RAP1GDS1: variants seen among roughly 807,000 people sequenced by gnomAD.
The protein encoded by RAP1GDS1 is Rap1 GTPase-GDP dissociation stimulator 1.
RAP1GDS1 carries 35 observed loss-of-function variants against 71.1 expected under a neutral mutation model. The observed-to-expected ratio is 0.49, with a 90% CI of 0.38 to 0.65. The LOEUF (loss-of-function observed/expected upper bound fraction) is 0.65, where lower values mean the gene tolerates loss of function less well. RAP1GDS1 is among the 30% of genes least tolerant of loss of function. RAP1GDS1 has a pLI of 0.00. For missense variants in RAP1GDS1, 663 were observed against 706.1 expected, an observed-to-expected ratio of 0.94 and a Z score of 0.69; for synonymous variants, 229 against 243.1, an observed-to-expected ratio of 0.94 and a Z score of 0.54.
rs1736741555 is a variant in RAP1GDS1, at chr4:98,349,043, A to G, written c.236-3433A>G. On this transcript the variant is annotated intron_variant, in intron 3 of 14. Coordinates refer to ENST00000408927, the MANE Select transcript of RAP1GDS1 (RefSeq NM_001100427.2). ...TGTTTTAGACATGAAGTCCTTGCCC[A>G]TGCCTATGTCCTGAATGGTATTGCC... is the stretch of plus-strand genomic sequence containing the variant. 4.6e-5 allele frequency among the ~76,000 whole-genome samples: 7 copies of G among 152,276 alleles called. No homozygotes were observed. The South Asian group carries it at 1.5e-3, about 32-fold the overall frequency.
intron 3 of RAP1GDS1, among the ~76,000 whole-genome samples, chr4:98,350,786 C>T (rs535339517): frequency 3.9e-5 from 6 of 151,950 alleles, no homozygotes; most frequent in Admixed American, 3.3e-4. Context: ...TGCAGTGAGC[C>T]GAGACTGTGC....
chr4:98,438,181 G>A (rs111308741), intron 14 of RAP1GDS1, among the ~76,000 whole-genome samples: 1 of 151,738 alleles, frequency 6.6e-6, no homozygotes, highest in Non-Finnish European at 1.5e-5. Flanking sequence ...ACCTCTCTCT[G>A]GTATTTTTCT....
At chr4:98,264,479 C>T (rs1722458628) in intron 1 of RAP1GDS1, among the ~76,000 whole-genome samples, 1 of 151,842 alleles carries the variant, frequency 6.6e-6, no homozygotes, top group Non-Finnish European at 1.5e-5. Context: ...ACTTTATGGC[C>T]ATAGCTACTA....
intron 2 of RAP1GDS1, among the ~76,000 whole-genome samples, chr4:98,303,533 G>A (rs1028269496): frequency 1.3e-5 from 2 of 150,680 alleles, no homozygotes; most frequent in African/African-American, 4.9e-5. Context: ...CTTGGATTGT[G>A]GGTAGTAGCT....
chr4:98,408,980 A>G (rs1042136824), intron 7 of RAP1GDS1, among the ~76,000 whole-genome samples: 1 of 152,160 alleles, frequency 6.6e-6, no homozygotes, highest in South Asian at 2.1e-4. Flanking sequence ...GACAAGAAGG[A>G]TCATCCCCGC....
At chr4:98,278,507 A>G (rs1278520924) in intron 1 of RAP1GDS1, among the ~76,000 whole-genome samples, 1 of 152,212 alleles carries the variant, frequency 6.6e-6, no homozygotes, top group Non-Finnish European at 1.5e-5. Context: ...ACAGTTAACT[A>G]CTTATGATCT....
At chr4:98,279,825 T>C (rs1169648728) in intron 1 of RAP1GDS1, among the ~76,000 whole-genome samples, 2 of 152,200 alleles carry the variant, frequency 1.3e-5, no homozygotes, top group Admixed American at 6.5e-5. Flanking sequence ...GTTCTCATTG[T>C]TCAGTTCCCA....
rs1456537244 is a variant in RAP1GDS1 at position 98,298,324 on chromosome 4, A to G, written c.112+4809A>G. Reference sequence around the variant, plus strand: ...GCTAAACAACAGATTTTCAGTATAGATGAAACAGCTTGGTATTGGAAGAGA... The same window carrying G: ...GCTAAACAACAGATTTTCAGTATAGGTGAAACAGCTTGGTATTGGAAGAGA... On this transcript the variant is annotated intron_variant, in intron 2 of 14. Transcript: ENST00000408927. Among the ~76,000 whole-genome samples, 7 of 152,312 alleles carry G rather than the reference A, an allele frequency of 4.6e-5. No homozygotes were observed. In the East Asian group the frequency reaches 1.3e-3, roughly 29 times the overall value.
chr4:98,373,859 C>A (rs1740765833), intron 4 of RAP1GDS1, among the ~76,000 whole-genome samples: 1 of 152,098 alleles, frequency 6.6e-6, no homozygotes, highest in African/African-American at 2.4e-5. Context: ...ATTACTTGAA[C>A]ACAAGCACTG....
At chr4:98,380,973 A>G (rs1741914441) in intron 5 of RAP1GDS1, among the ~76,000 whole-genome samples, 1 of 151,680 alleles carries the variant, frequency 6.6e-6, no homozygotes, top group Non-Finnish European at 1.5e-5. Context: ...TTCCAATCCA[A>G]AGCAGTGATT....
chr4:98,407,275 A>G lies in RAP1GDS1; in HGVS notation c.763+2673A>G, dbSNP rs182234873. Among the ~76,000 whole-genome samples, 3 of 152,116 alleles carry G rather than the reference A, an allele frequency of 2.0e-5. No homozygotes were observed. The East Asian group carries it at 5.8e-4, about 29-fold the overall frequency. On this transcript the variant is annotated intron_variant, in intron 7 of 14. Coordinates refer to ENST00000408927, the MANE Select transcript of RAP1GDS1 (RefSeq NM_001100427.2). The stretch of plus-strand genomic sequence containing the variant: ...TTGTTAATCTAGCTAGTGGTCTATT[A>G]ATTTTGTTAATCTGCACTTGTACTC...
At chr4:98,384,358 T>G (rs1470076037) in intron 5 of RAP1GDS1, among the ~76,000 whole-genome samples, 1 of 151,612 alleles carries the variant, frequency 6.6e-6, no homozygotes, top group Non-Finnish European at 1.5e-5. Flanking sequence ...ACTGTTGTTC[T>G]TTATTTACTG....
chr4:98,363,123 GTTA>G (rs1738987896), intron 4 of RAP1GDS1, among the ~76,000 whole-genome samples: 2 of 152,282 alleles, frequency 1.3e-5, no homozygotes, highest in Admixed American at 6.5e-5. Flanking sequence ...CTCTGTGGAT[GTTA>G]TTTAAGCTGA....
intron 2 of RAP1GDS1, among the ~76,000 whole-genome samples, chr4:98,329,662 A>G (rs991793357): frequency 6.6e-5 from 10 of 151,816 alleles, no homozygotes; most frequent in Non-Finnish European, 1.2e-4. Flanking sequence ...GGTGGCAGAC[A>G]CCTGTAATCC....
intron 12 of RAP1GDS1, among the ~76,000 whole-genome samples, chr4:98,427,562 C>T (rs534426528): frequency 6.6e-6 from 1 of 152,110 alleles, no homozygotes; most frequent in South Asian, 2.1e-4. Flanking sequence ...CTCCTATCAC[C>T]AAGAGCAACT....
chr4:98,409,062 A>G (rs1029893256), intron 7 of RAP1GDS1, among the ~76,000 whole-genome samples: 2 of 152,150 alleles, frequency 1.3e-5, no homozygotes, highest in Admixed American at 1.3e-4. Flanking sequence ...ATTAAGATAA[A>G]GCAATAAAAC....
rs977363193 is a variant in RAP1GDS1 at position 98,355,260 on chromosome 4, T to C, written c.361+2659T>C. Among the ~76,000 whole-genome samples, 11 of 152,318 alleles carry C rather than the reference T, an allele frequency of 7.2e-5. No individual in the cohort carries two copies. The East Asian group carries it at 1.7e-3, about 24-fold the overall frequency. ...TAATGCTTCATTTTTAAAAGGAGTA[T>C]AGAAAACTACATGATAGCCTTGTGA... is the stretch of plus-strand genomic sequence containing the variant. On this transcript the variant is annotated intron_variant, in intron 4 of 14. Coordinates refer to ENST00000408927, the MANE Select transcript of RAP1GDS1 (RefSeq NM_001100427.2).
intron 2 of RAP1GDS1, among the ~76,000 whole-genome samples, chr4:98,305,104 C>T (rs1044956070): frequency 3.3e-5 from 5 of 152,096 alleles, no homozygotes; most frequent in East Asian, 3.9e-4. Flanking sequence ...GGTAGCATGA[C>T]GCCTCTAGCT....
Position 98,292,348 on chromosome 4 carries a change from G to A in RAP1GDS1, c.5-1060G>A, listed in dbSNP as rs190130371. Among the ~76,000 whole-genome samples the A allele has an allele frequency of 4.9e-4, 75 of 151,652 alleles. No homozygotes were observed. In the Middle Eastern group the frequency reaches 0.024, roughly 48 times the overall value. On this transcript the variant is annotated intron_variant, in intron 1 of 14. Transcript: ENST00000408927. ...GAGGACTCACTTTGTTGCCCGGGCC[G>A]GTATCAAACTCCTAGCCTCAAGTGA...
Sources: gnomAD v4.1 joint callset for allele counts (sites outside exome capture counted in the v4.1 genomes callset) on GRCh38, gnomAD v4.1.1 for gene constraint, MANE v1.5 for transcripts, NCBI Gene and HGNC (gene_info 2026-07-23, HGNC 2026-07-21) for gene names.